PLXDC2: variants seen among roughly 807,000 people sequenced by gnomAD.
The protein encoded by PLXDC2 is plexin domain containing 2.
Under a neutral mutation model 68.9 loss-of-function variants are expected in PLXDC2, and 40 were observed. The ratio of observed to expected loss-of-function variants is 0.58; its 90% CI spans 0.45 to 0.76. PLXDC2 has a LOEUF of 0.76. Ranked by LOEUF, PLXDC2 falls within the 30% of genes least tolerant of loss-of-function variation. PLXDC2 has a pLI of 0.00. For synonymous variants in PLXDC2, 243 were observed against 234.2 expected, an observed-to-expected ratio of 1.04 and a Z score of -0.34; for missense variants, 644 against 661.9, an observed-to-expected ratio of 0.97 and a Z score of 0.30.
intron 1 of PLXDC2, among the ~76,000 whole-genome samples, chr10:19,979,280 A>G (rs1191998577): frequency 1.3e-5 from 2 of 152,196 alleles, no homozygotes; most frequent in Non-Finnish European, 2.9e-5. Flanking sequence ...CTAGTTCAGT[A>G]CTTGGCACAA....
intron 1 of PLXDC2, among the ~76,000 whole-genome samples, chr10:19,932,086 G>C (rs1466703046): frequency 6.6e-6 from 1 of 152,032 alleles, no homozygotes; most frequent in Non-Finnish European, 1.5e-5. Context: ...CAAATAACCT[G>C]TCAGTCCCAG....
intron 1 of PLXDC2, among the ~76,000 whole-genome samples, chr10:19,913,757 A>C (rs1833316507): frequency 6.6e-6 from 1 of 152,142 alleles, no homozygotes; most frequent in African/African-American, 2.4e-5. Flanking sequence ...GTGGGGAATT[A>C]CTTTCATTAT....
At chr10:20,162,836 G>A (rs10827978) in intron 6 of PLXDC2, among the ~76,000 whole-genome samples, 32,579 of 150,246 alleles carry the variant, frequency 0.22, 4,483 homozygotes, top group East Asian at 0.49. Context: ...GGCTGAGGTG[G>A]GTGGATCACT....
At chr10:20,042,902 C>T (rs1040373750) in intron 2 of PLXDC2, among the ~76,000 whole-genome samples, 4 of 152,158 alleles carry the variant, frequency 2.6e-5, no homozygotes, top group Non-Finnish European at 4.4e-5. Context: ...CATGGTGCCA[C>T]CTACTTTCTC....
At chr10:20,191,990 G>A (rs944287490) in intron 9 of PLXDC2, among the ~76,000 whole-genome samples, 9 of 152,048 alleles carry the variant, frequency 5.9e-5, no homozygotes, top group African/African-American at 2.2e-4. Context: ...TGTCACTGAA[G>A]TCTATTAATT....
chr10:20,024,374 A>G (rs1445446661), intron 2 of PLXDC2, among the ~76,000 whole-genome samples: 1 of 152,202 alleles, frequency 6.6e-6, no homozygotes. Flanking sequence ...TGCTAGTTGT[A>G]ACAGAACACT....
intron 2 of PLXDC2, among the ~76,000 whole-genome samples, chr10:20,011,241 G>A (rs1481999109): frequency 1.3e-5 from 2 of 152,166 alleles, no homozygotes; most frequent in Non-Finnish European, 2.9e-5. Context: ...GAGCAGGGAG[G>A]TCAGAAGATG....
intron 2 of PLXDC2, among the ~76,000 whole-genome samples, chr10:20,006,455 G>A (rs896234137): frequency 3.1e-4 from 47 of 152,218 alleles, no homozygotes; most frequent in African/African-American, 1.1e-3. Context: ...AGCCCTGACT[G>A]CAGTAGTGGC....
At chr10:19,947,341 C>CACCACT (rs1833918514) in intron 1 of PLXDC2, among the ~76,000 whole-genome samples, 1 of 152,144 alleles carries the variant, frequency 6.6e-6, no homozygotes, top group Non-Finnish European at 1.5e-5. Flanking sequence ...ATGGGAAACA[C>CACCACT]GCCACTGTTG....
intron 4 of PLXDC2, among the ~76,000 whole-genome samples, chr10:20,117,362 A>G (rs1048999818): frequency 1.5e-4 from 23 of 152,212 alleles, no homozygotes; most frequent in African/African-American, 2.7e-4. Context: ...TATAACTCCA[A>G]TGCAATTTCA....
chr10:20,157,783 C>G (rs1479410540), intron 6 of PLXDC2, among the ~76,000 whole-genome samples: 1 of 152,092 alleles, frequency 6.6e-6, no homozygotes, highest in Non-Finnish European at 1.5e-5. Flanking sequence ...AAATGTATAC[C>G]AAGTAATAAA....
chr10:19,967,177 G>T (rs559368789), intron 1 of PLXDC2, among the ~76,000 whole-genome samples: 1 of 152,282 alleles, frequency 6.6e-6, no homozygotes, highest in African/African-American at 2.4e-5. Context: ...TGTATTAGCT[G>T]CATCAATCTA....
In PLXDC2 at chr10:20,012,303, C is replaced by CTTTTTTTTTTTT. The variant is rs1156230437; in HGVS notation, c.324+10323_324+10324insTTTTTTTTTTTT. On this transcript the variant is annotated intron_variant, in intron 2 of 13. Coordinates refer to ENST00000377252, the MANE Select transcript of PLXDC2 (RefSeq NM_032812.9). Reference sequence around the variant, plus strand: ...GATAAGAGTCTCTCTCTCTCTCTCTCTTTTTTATTTTTTTTTTTTTTTTTT... The same window carrying CTTTTTTTTTTTT: ...GATAAGAGTCTCTCTCTCTCTCTCTCTTTTTTTTTTTTTTTTTTATTTTTTTTTTTTTTTTTT... 7.6e-5 allele frequency among the ~76,000 whole-genome samples: 5 copies of CTTTTTTTTTTTT among 65,598 alleles called. 1 individual carries two copies. The highest frequency in any genetic ancestry group is 1.5e-4 in the African/African-American group (2 of 13,166). 43.0% of individuals were successfully genotyped at this position (65,598 alleles called of 152,430 possible). A position where few individuals can be genotyped will look rare whatever the true frequency, so the allele number is the denominator to read the frequency against.
intron 1 of PLXDC2, among the ~76,000 whole-genome samples, chr10:19,829,376 A>G (rs1589488108): frequency 6.6e-6 from 1 of 152,048 alleles, no homozygotes; most frequent in African/African-American, 2.4e-5. Context: ...ACTTTTATAA[A>G]TGGTGCTGTG....
At chr10:20,082,045 G>GAAAAA (rs1439512108) in intron 4 of PLXDC2, among the ~76,000 whole-genome samples, 28 of 9,536 alleles carry the variant, frequency 2.9e-3, no homozygotes, top group Non-Finnish European at 3.5e-3. Context: ...AACTCCATCT[G>GAAAAA]AAAAAAAAAA....
rs909229960 is a variant in PLXDC2 at position 20,281,438 on chromosome 10, C to G, written c.*1619C>G. The G allele has an allele frequency of 1.3e-5, 2 of 152,162 alleles. No individual in the cohort carries two copies. The allele number at this position is 152,162 out of a possible 1,614,324, so 9.4% of individuals were successfully genotyped here. On this transcript the variant is annotated 3_prime_UTR_variant, in exon 14 of 14. Coordinates refer to ENST00000377252, the MANE Select transcript of PLXDC2 (RefSeq NM_032812.9). ...GTGCTCAACATTTGCAGATTCAGGT[C>G]TCAAGAAGCAGAGATGTCTCATAAG...
intron 9 of PLXDC2, among the ~76,000 whole-genome samples, chr10:20,198,640 C>G (rs1834874159): frequency 6.6e-6 from 1 of 152,016 alleles, no homozygotes; most frequent in Non-Finnish European, 1.5e-5. Flanking sequence ...TTAATGAAAT[C>G]ATTAGCTTTT....
intron 1 of PLXDC2, among the ~76,000 whole-genome samples, chr10:19,886,325 T>C (rs1431798414): frequency 6.6e-6 from 1 of 152,188 alleles, no homozygotes; most frequent in Non-Finnish European, 1.5e-5. Context: ...CTTCCTCTTT[T>C]CCTGATTGAA....
At chr10:19,856,379 G>GACACACACACACACAC (rs34129216) in intron 1 of PLXDC2, among the ~76,000 whole-genome samples, 1 of 144,128 alleles carries the variant, frequency 6.9e-6, no homozygotes, top group African/African-American at 2.6e-5. Flanking sequence ...CACACACACA[G>GACACACACACACACAC]ACACACACAC....
Sources: gnomAD v4.1 joint callset for allele counts (sites outside exome capture counted in the v4.1 genomes callset) on GRCh38, gnomAD v4.1.1 for gene constraint, MANE v1.5 for transcripts, NCBI Gene and HGNC (gene_info 2026-07-23, HGNC 2026-07-21) for gene names.